KLHL29: variants seen among roughly 807,000 people sequenced by gnomAD.
KLHL29 encodes the protein kelch-like protein 29.
A neutral mutation model predicts 80.4 loss-of-function variants in KLHL29; 21 were observed. That is an observed-to-expected ratio of 0.26 (90% confidence interval 0.19 to 0.38). KLHL29 has a LOEUF of 0.38. Among genes scored for constraint, KLHL29 ranks in the 10% least tolerant of loss-of-function variants. The probability of loss-of-function intolerance (pLI) is 1.00; values close to 1 mark genes in which losing one functional copy is unlikely to be tolerated. For synonymous variants in KLHL29, 511 were observed against 526.8 expected, an observed-to-expected ratio of 0.97 and a Z score of 0.41; for missense variants, 867 against 1,223.9, an observed-to-expected ratio of 0.71 and a Z score of 4.35.
intron 3 of KLHL29, among the ~76,000 whole-genome samples, chr2:23,605,513 C>T (rs1483549770): frequency 2.0e-5 from 3 of 152,168 alleles, no homozygotes; most frequent in South Asian, 4.1e-4. Context: ...CCAGGAACTG[C>T]GCATGGTGAG....
intron 5 of KLHL29, among the ~76,000 whole-genome samples, chr2:23,677,056 A>G (rs2149181217): frequency 6.6e-6 from 1 of 152,372 alleles, no homozygotes. Flanking sequence ...ACCCAGGGAA[A>G]GAGAAGGGAA....
At chr2:23,515,830 T>C (rs934369) in intron 2 of KLHL29, among the ~76,000 whole-genome samples, 118,384 of 152,024 alleles carry the variant, frequency 0.78, 46,352 homozygotes, top group Non-Finnish European at 0.81. Context: ...GTTGCAGCCC[T>C]CCACGGCATC....
At chr2:23,653,953 G>A (rs1347732307) in intron 5 of KLHL29, among the ~76,000 whole-genome samples, 1 of 152,202 alleles carries the variant, frequency 6.6e-6, no homozygotes. Flanking sequence ...GATCACCTGA[G>A]GTCAGGAGTT....
intron 1 of KLHL29, among the ~76,000 whole-genome samples, chr2:23,445,749 T>C (rs1004518216): frequency 7.2e-5 from 11 of 152,240 alleles, no homozygotes; most frequent in African/African-American, 2.7e-4. Flanking sequence ...CTCCACAGCC[T>C]TAACCACAAA....
At chr2:23,672,990 A>G (rs1015072265) in intron 5 of KLHL29, among the ~76,000 whole-genome samples, 4 of 152,176 alleles carry the variant, frequency 2.6e-5, no homozygotes, top group Non-Finnish European at 5.9e-5. Context: ...GTCAGAGACA[A>G]AGCTGATGCT....
chr2:23,483,675 G>A (rs887527816), intron 2 of KLHL29, among the ~76,000 whole-genome samples: 3 of 152,120 alleles, frequency 2.0e-5, no homozygotes, highest in Non-Finnish European at 4.4e-5. Context: ...TTCCTCTCCT[G>A]GATCATGAGA....
chr2:23,612,515 G>A (rs1252178503), intron 3 of KLHL29, among the ~76,000 whole-genome samples: 1 of 152,212 alleles, frequency 6.6e-6, no homozygotes, highest in Non-Finnish European at 1.5e-5. Context: ...GCCGTGGCAG[G>A]TGGATCACCT....
At chr2:23,703,987 C>T in intron 13 of KLHL29, 124 bp downstream of exon 13, 1 of 1,115,552 alleles carries the variant, frequency 9.0e-7, no homozygotes, top group Non-Finnish European at 1.2e-6. Context: ...AGTGGCCCTC[C>T]CCCTCCAACC....
At position 23,703,185 on chromosome 2, in the gene KLHL29, G is replaced by T; in HGVS notation, c.2106-1G>T. 1 of 1,434,296 alleles carries T rather than the reference G, an allele frequency of 7.0e-7. No homozygotes were observed. The highest frequency in any genetic ancestry group is 1.5e-5 in the South Asian group (1 of 65,926). The allele number at this position is 1,434,296 out of a possible 1,614,324, so 88.8% of individuals were successfully genotyped here. On this transcript the variant is annotated splice_acceptor_variant, in intron 11 of 13. Transcript: ENST00000486442. LOFTEE classifies it high-confidence loss of function. Reference sequence around the variant, plus strand: ...TGGGCTCTTTTTCTCCTCTCCTGCAGGTACGACACCATCACCAACCAATGG... The same window carrying T: ...TGGGCTCTTTTTCTCCTCTCCTGCATGTACGACACCATCACCAACCAATGG...
At chr2:23,657,838 G>C (rs148379777) in intron 5 of KLHL29, among the ~76,000 whole-genome samples, 1 of 152,176 alleles carries the variant, frequency 6.6e-6, no homozygotes, top group Non-Finnish European at 1.5e-5. Context: ...TGAGCCTTCC[G>C]GGCTCCTGAG....
At chr2:23,600,441 C>T (rs549762470) in intron 3 of KLHL29, among the ~76,000 whole-genome samples, 3 of 152,330 alleles carry the variant, frequency 2.0e-5, no homozygotes, top group Non-Finnish European at 4.4e-5. Flanking sequence ...ACTGTAGCTG[C>T]AAGGCCTTGG....
Position 23,665,174 on chromosome 2 carries a change from G to A in KLHL29, c.941-19225G>A, listed in dbSNP as rs534576031. ...AAGAACTAGGAGTGAGGACAGTGAG[G>A]CCAGCCTGTGTATCCTGACACCACA... On this transcript the variant is annotated intron_variant, in intron 5 of 13. Transcript: ENST00000486442. Among the ~76,000 whole-genome samples the A allele has an allele frequency of 3.3e-4, 51 of 152,284 alleles. No individual in the cohort carries two copies. In the South Asian group the frequency reaches 0.01, roughly 30 times the overall value.
rs563799877 is a variant in KLHL29 at position 23,452,641 on chromosome 2, G to A, written c.-153-22919G>A. Among the ~76,000 whole-genome samples, 11 of 152,228 alleles carry A rather than the reference G, an allele frequency of 7.2e-5. No homozygotes were observed. The East Asian group carries it at 2.1e-3, about 29-fold the overall frequency. Reference sequence around the variant, plus strand: ...TACTCTGAGCATAATCACAGCCCTCGTTGAGAGGAGCCACTGTCCCTGTTG... The same window carrying A: ...TACTCTGAGCATAATCACAGCCCTCATTGAGAGGAGCCACTGTCCCTGTTG... On this transcript the variant is annotated intron_variant, in intron 1 of 13. Coordinates refer to ENST00000486442, the MANE Select transcript of KLHL29 (RefSeq NM_052920.2).
chr2:23,439,404 G>A, intron 1 of KLHL29, among the ~76,000 whole-genome samples: 1 of 151,488 alleles, frequency 6.6e-6, no homozygotes, highest in Non-Finnish European at 1.5e-5. Flanking sequence ...TGTGATGTTA[G>A]GGTGTCAATT....
At chr2:23,434,698 G>T (rs1400630081) in intron 1 of KLHL29, among the ~76,000 whole-genome samples, 1 of 152,222 alleles carries the variant, frequency 6.6e-6, no homozygotes, top group Non-Finnish European at 1.5e-5. Flanking sequence ...AAGTGGCTTT[G>T]CAGCAGGCTG....
At chr2:23,389,361 G>T (rs945098077) in intron 1 of KLHL29, among the ~76,000 whole-genome samples, 1 of 152,110 alleles carries the variant, frequency 6.6e-6, no homozygotes. Context: ...GCATTAGCAC[G>T]CTACTGACTT....
At chr2:23,465,812 C>T (rs1664335650) in intron 1 of KLHL29, among the ~76,000 whole-genome samples, 1 of 152,176 alleles carries the variant, frequency 6.6e-6, no homozygotes, top group South Asian at 2.1e-4. Flanking sequence ...TCGTCCTACT[C>T]CCTCTGGCCC....
chr2:23,643,713 T>C (rs3731616), intron 5 of KLHL29: 35,297 of 152,146 alleles, frequency 0.23, 4,315 homozygotes, highest in African/African-American at 0.29. Context: ...GCCTAGCCCT[T>C]AGTGCCCCAG....
At chr2:23,633,992 C>T (rs900401442) in intron 3 of KLHL29, among the ~76,000 whole-genome samples, 6 of 152,146 alleles carry the variant, frequency 3.9e-5, no homozygotes, top group African/African-American at 1.4e-4. Flanking sequence ...GGGATGGGAG[C>T]GAGACAACAT....
Sources: gnomAD v4.1 joint callset for allele counts (sites outside exome capture counted in the v4.1 genomes callset) on GRCh38, gnomAD v4.1.1 for gene constraint, MANE v1.5 for transcripts, NCBI Gene and HGNC (gene_info 2026-07-23, HGNC 2026-07-21) for gene names.